LMBR1: variants seen among roughly 807,000 people sequenced by gnomAD.
The protein encoded by LMBR1 is limb development membrane protein 1.
Under a neutral mutation model 73.9 loss-of-function variants are expected in LMBR1, and 52 were observed. The ratio of observed to expected loss-of-function variants is 0.70; its 90% CI spans 0.56 to 0.89. The LOEUF (loss-of-function observed/expected upper bound fraction) is 0.89. Among genes scored for constraint, LMBR1 ranks in the 40% least tolerant of loss-of-function variants. LMBR1 has a pLI of 0.00. For missense variants in LMBR1, 539 were observed against 579.8 expected (o/e 0.93, Z 0.72); for synonymous variants, 215 against 209.4 (o/e 1.03, Z -0.23).
At chr7:156,710,042 C>G (rs1387041359) in intron 15 of LMBR1, among the ~76,000 whole-genome samples, 3 of 151,512 alleles carry the variant, frequency 2.0e-5, no homozygotes, top group Non-Finnish European at 4.4e-5. Flanking sequence ...GTAGCTGGGA[C>G]TACAGGCGCC....
chr7:156,842,292 G>C (rs899186182), intron 1 of LMBR1, among the ~76,000 whole-genome samples: 1 of 149,312 alleles, frequency 6.7e-6, no homozygotes, highest in African/African-American at 2.4e-5. Context: ...CCCGAACAAA[G>C]AGTCAAGCTA....
chr7:156,859,752 C>A (rs1797476193), intron 1 of LMBR1, among the ~76,000 whole-genome samples: 1 of 152,072 alleles, frequency 6.6e-6, no homozygotes, highest in Admixed American at 6.6e-5. Flanking sequence ...TTCACACAAC[C>A]CCAATCAAAA....
chr7:156,822,454 T>C (rs561555558), intron 4 of LMBR1: 1 of 152,304 alleles, frequency 6.6e-6, no homozygotes, highest in Non-Finnish European at 1.5e-5. Context: ...AAAACCTGCA[T>C]ACCTGAGCCC....
chr7:156,774,535 A>ATG (rs1825775638), intron 5 of LMBR1, among the ~76,000 whole-genome samples: 3 of 152,244 alleles, frequency 2.0e-5, no homozygotes, highest in African/African-American at 7.2e-5. Flanking sequence ...TGCAGCAATA[A>ATG]AAACAAATGA....
intron 8 of LMBR1, among the ~76,000 whole-genome samples, chr7:156,757,363 G>T (rs1822096933): frequency 6.6e-6 from 1 of 152,084 alleles, no homozygotes; most frequent in Non-Finnish European, 1.5e-5. Context: ...TTAAAGATTG[G>T]TATTATCAAA....
Position 156,731,888 on chromosome 7 carries a change from C to T in LMBR1, c.838+2289G>A, listed in dbSNP as rs1029365327. 4.0e-5 allele frequency among the ~76,000 whole-genome samples: 6 copies of T among 150,430 alleles called. No individual in the cohort carries two copies. The Admixed American group carries it at 4.0e-4, about 10-fold the overall frequency. Reference sequence around the variant, plus strand: ...TTTATCTACAAAAGTTGCACAGGCACATATACAATGATCTTGTAATTCCAT... The same window carrying T: ...TTTATCTACAAAAGTTGCACAGGCATATATACAATGATCTTGTAATTCCAT... On this transcript the variant is annotated intron_variant, in intron 10 of 16. Transcript: ENST00000353442.
intron 5 of LMBR1, among the ~76,000 whole-genome samples, chr7:156,792,588 C>T (rs1585822310): frequency 6.6e-6 from 1 of 152,126 alleles, no homozygotes; most frequent in Non-Finnish European, 1.5e-5. Context: ...AAACACACAC[C>T]GCTGCCACGG....
intron 1 of LMBR1, among the ~76,000 whole-genome samples, chr7:156,879,663 C>CA (rs751353773): frequency 0.051 from 4,672 of 92,274 alleles, 434 homozygotes; most frequent in African/African-American, 0.18. Flanking sequence ...GACTCTGTCT[C>CA]AAAAAAAAAA....
downstream of LMBR1, chr7:156,676,673 G>A: frequency 1.9e-6 from 3 of 1,598,102 alleles, no homozygotes; most frequent in Admixed American, 3.3e-5. Context: ...GTCAAGGAAA[G>A]TTAGGTAATT....
At chr7:156,882,358 T>A (rs766179424) in intron 1 of LMBR1, among the ~76,000 whole-genome samples, 15 of 152,004 alleles carry the variant, frequency 9.9e-5, no homozygotes, top group Non-Finnish European at 8.8e-5. Flanking sequence ...GGTGAGAGGA[T>A]CATTTGAGCC....
chr7:156,827,698 A>G (rs1835935340), intron 3 of LMBR1, among the ~76,000 whole-genome samples: 1 of 152,166 alleles, frequency 6.6e-6, no homozygotes, highest in African/African-American at 2.4e-5. Flanking sequence ...AAATAAATAT[A>G]AGAAAATATT....
chr7:156,762,624 T>A (rs1368678378), intron 7 of LMBR1, among the ~76,000 whole-genome samples: 1 of 152,230 alleles, frequency 6.6e-6, no homozygotes, highest in African/African-American at 2.4e-5. Context: ...TATCTACTTA[T>A]CCCTGAGATA....
At chr7:156,886,678 T>C (rs980423585) in intron 1 of LMBR1, among the ~76,000 whole-genome samples, 1 of 152,182 alleles carries the variant, frequency 6.6e-6, no homozygotes, top group Non-Finnish European at 1.5e-5. Flanking sequence ...ATATTGCTTA[T>C]CTGGAGGCCA....
chr7:156,739,971 G>A (rs111533238), intron 9 of LMBR1, among the ~76,000 whole-genome samples: 3,994 of 152,172 alleles, frequency 0.026, 175 homozygotes, highest in African/African-American at 0.092. Context: ...CAAAATGGCT[G>A]TTTTGAGGAA....
chr7:156,809,644 G>C (rs757266447), intron 4 of LMBR1, among the ~76,000 whole-genome samples: 2 of 152,180 alleles, frequency 1.3e-5, no homozygotes, highest in Admixed American at 6.5e-5. Context: ...GTGGTTGGTT[G>C]AATCTACAGA....
At chr7:156,720,189 T>A (rs1318425169) in intron 15 of LMBR1, among the ~76,000 whole-genome samples, 1 of 151,234 alleles carries the variant, frequency 6.6e-6, no homozygotes, top group African/African-American at 2.4e-5. Flanking sequence ...TGGGAGAAAA[T>A]TTTCGCAACC....
chr7:156,674,020 G>A (rs990120725), downstream of LMBR1, among the ~76,000 whole-genome samples: 18 of 150,596 alleles, frequency 1.2e-4, no homozygotes, highest in Admixed American at 6.6e-5. Context: ...ATATCTAAAT[G>A]TGTGAGATCT....
intron 15 of LMBR1, among the ~76,000 whole-genome samples, chr7:156,712,659 A>C (rs1812322146): frequency 1.3e-5 from 2 of 152,244 alleles, no homozygotes; most frequent in East Asian, 1.9e-4. Flanking sequence ...TGGTATAAAA[A>C]CACAATGGAA....
At chr7:156,823,572 T>A (rs375373105) in intron 4 of LMBR1, 3 of 152,282 alleles carry the variant, frequency 2.0e-5, no homozygotes, top group South Asian at 2.1e-4. Flanking sequence ...TCAGCTGTTT[T>A]CTATTGCAAA....
Sources: gnomAD v4.1 joint callset for allele counts (sites outside exome capture counted in the v4.1 genomes callset) on GRCh38, gnomAD v4.1.1 for gene constraint, MANE v1.5 for transcripts, NCBI Gene and HGNC (gene_info 2026-07-23, HGNC 2026-07-21) for gene names.